The following PCDHA10 variants were observed in gnomAD, a reference collection of about 807,000 sequenced individuals.
PCDHA10 encodes protocadherin alpha 10, also known as protocadherin alpha-10.
In PCDHA10, 45 loss-of-function variants were observed where a neutral mutation model predicts 61.2. That is an observed-to-expected ratio of 0.74 (90% CI 0.58 to 0.94). The LOEUF (loss-of-function observed/expected upper bound fraction) is 0.94. PCDHA10 is among the 40% of genes least tolerant of loss of function. The pLI is 0.00. For missense variants in PCDHA10, 1,278 were observed against 1,236.2 expected, an observed-to-expected ratio of 1.03 and a Z score of -0.51; for synonymous variants, 602 against 548.8, an observed-to-expected ratio of 1.10 and a Z score of -1.35.
chr5:140,885,213 AT>A (rs1364699535), intron 1 of PCDHA10, among the ~76,000 whole-genome samples: 44 of 152,178 alleles, frequency 2.9e-4, no homozygotes, highest in African/African-American at 1.0e-3. Context: ...CCCATGAAAA[AT>A]ATCTTGTGAT....
intron 1 of PCDHA10, among the ~76,000 whole-genome samples, chr5:140,944,016 A>G (rs2093596830): frequency 6.6e-6 from 1 of 152,182 alleles, no homozygotes; most frequent in Non-Finnish European, 1.5e-5. Flanking sequence ...CCCAAAAGCA[A>G]TTATCTTCAA....
chr5:140,929,381 G>GT (rs1554207059), intron 1 of PCDHA10: 2 of 1,510,858 alleles, frequency 1.3e-6, no homozygotes, highest in African/African-American at 1.4e-5. Flanking sequence ...TGCTAGCTGT[G>GT]TTTTGAAATA....
chr5:140,936,831 A>T lies in PCDHA10; in HGVS notation c.2389-42118A>T, dbSNP rs142448727. 3.1e-3 allele frequency among the ~76,000 whole-genome samples: 478 copies of T among 152,252 alleles called. 2 individuals are homozygous for T. Among genetic ancestry groups the T allele is most frequent in the African/African-American group, 0.011 (455 of 41,554 alleles). Reference sequence around the variant, plus strand: ...GCTATTTTTGGCCCTTTGCATTTCTATATAAATTGTAGATTCAGCTTCTCA... The same window carrying T: ...GCTATTTTTGGCCCTTTGCATTTCTTTATAAATTGTAGATTCAGCTTCTCA... On this transcript the variant is annotated intron_variant, in intron 1 of 3. Transcript: ENST00000307360.
chr5:140,970,776 A>G lies in PCDHA10; in HGVS notation c.2389-8173A>G, dbSNP rs1338334067. Among the ~76,000 whole-genome samples the G allele has an allele frequency of 1.3e-5, 2 of 152,212 alleles. 1 individual carries two copies. The highest frequency in any genetic ancestry group is 4.8e-5 in the African/African-American group (2 of 41,458). On this transcript the variant is annotated intron_variant, in intron 1 of 3. Coordinates refer to ENST00000307360, the MANE Select transcript of PCDHA10 (RefSeq NM_018901.4). Reference sequence around the variant, plus strand: ...TTCATTGACATATTGCTGTACATACATATTGTATGTAATATCCATATTGTT... The same window carrying G: ...TTCATTGACATATTGCTGTACATACGTATTGTATGTAATATCCATATTGTT...
At chr5:140,999,182 G>T (rs1285087964) in intron 3 of PCDHA10, among the ~76,000 whole-genome samples, 4 of 152,204 alleles carry the variant, frequency 2.6e-5, no homozygotes, top group Non-Finnish European at 5.9e-5. Context: ...CTGATGGGGA[G>T]AGGGTCCTTG....
chr5:140,874,685 T>C (rs1212570606), intron 1 of PCDHA10, among the ~76,000 whole-genome samples: 1 of 152,234 alleles, frequency 6.6e-6, no homozygotes, highest in Non-Finnish European at 1.5e-5. Flanking sequence ...AGATTTGTTT[T>C]AACATGTTAT....
intron 1 of PCDHA10, chr5:140,876,689 C>T: frequency 1.2e-6 from 2 of 1,614,228 alleles, no homozygotes; most frequent in Middle Eastern, 1.6e-4. Context: ...AATTACTACT[C>T]GTTGGTGCTG....
At chr5:140,941,221 T>TTCTTTCTTTCTTTCTTTCTTTCTC (rs2092905955) in intron 1 of PCDHA10, among the ~76,000 whole-genome samples, 1 of 131,536 alleles carries the variant, frequency 7.6e-6, no homozygotes, top group Admixed American at 7.9e-5. Context: ...CTTCCTTTCT[T>TTCTTTCTTTCTTTCTTTCTTTCTC]TCTTTCTTTC....
chr5:140,863,494 C>T (rs1203332871), intron 1 of PCDHA10: 2 of 442,624 alleles, frequency 4.5e-6, no homozygotes, highest in East Asian at 6.0e-5. Context: ...GTCAACATTA[C>T]GGCTTTTAGT....
chr5:140,901,829 T>C (rs1449316816), intron 1 of PCDHA10, among the ~76,000 whole-genome samples: 1 of 152,230 alleles, frequency 6.6e-6, no homozygotes, highest in African/African-American at 2.4e-5. Flanking sequence ...TTCCAGTCCA[T>C]AAACATGCAA....
At chr5:140,993,468 A>G (rs1327306188) in intron 3 of PCDHA10, among the ~76,000 whole-genome samples, 1 of 69,412 alleles carries the variant, frequency 1.4e-5, no homozygotes, top group African/African-American at 5.6e-5. Context: ...TTTCTCACAC[A>G]CACACACACA....
intron 1 of PCDHA10, among the ~76,000 whole-genome samples, chr5:140,975,197 C>T (rs1176492853): frequency 6.6e-6 from 1 of 152,230 alleles, no homozygotes; most frequent in Non-Finnish European, 1.5e-5. Flanking sequence ...TCTGCTCCAT[C>T]TTCATGGCTG....
At chr5:140,883,280 G>T (rs2059527753) in intron 1 of PCDHA10, 1 of 1,613,990 alleles carries the variant, frequency 6.2e-7, no homozygotes, top group Non-Finnish European at 8.5e-7. Flanking sequence ...TACCCTTTTG[G>T]TGGAAGTACT....
rs200161334 is a variant in PCDHA10, at chr5:140,967,904, C to T, written c.2389-11045C>T. ...TAGCCCAGTGCCTGAGAATGCTACACCCAACACCATTGTGGCCGTTCTCAG... is the reference window on the plus strand; with the variant it reads ...TAGCCCAGTGCCTGAGAATGCTACATCCAACACCATTGTGGCCGTTCTCAG... On this transcript the variant is annotated intron_variant, in intron 1 of 3. Coordinates refer to ENST00000307360, the MANE Select transcript of PCDHA10 (RefSeq NM_018901.4). The T allele has an allele frequency of 3.3e-5, 53 of 1,614,164 alleles. No individual in the cohort carries two copies. In the East Asian group the frequency reaches 9.1e-4, roughly 28 times the overall value.
intron 1 of PCDHA10, among the ~76,000 whole-genome samples, chr5:140,959,036 GTATGT>G (rs2095460948): frequency 6.6e-6 from 1 of 152,032 alleles, no homozygotes; most frequent in African/African-American, 2.4e-5. Flanking sequence ...TCATGGGTAT[GTATGT>G]ATAGGAAAAA....
chr5:140,968,209 C>G (rs781795931), intron 1 of PCDHA10: 5 of 1,614,002 alleles, frequency 3.1e-6, no homozygotes, highest in Non-Finnish European at 4.2e-6. Context: ...TACAGGAGAA[C>G]AATTTGCCAG....
chr5:140,934,000 A>G (rs2089557025), intron 1 of PCDHA10, among the ~76,000 whole-genome samples: 1 of 151,350 alleles, frequency 6.6e-6, no homozygotes, highest in Non-Finnish European at 1.5e-5. Context: ...GTCACCTCTC[A>G]TTTTTCTTGA....
At chr5:140,941,317 CTCT>C (rs2093029316) in intron 1 of PCDHA10, among the ~76,000 whole-genome samples, 2 of 99,150 alleles carry the variant, frequency 2.0e-5, no homozygotes, top group Non-Finnish European at 4.2e-5. Flanking sequence ...TTTCTTCTTT[CTCT>C]TTTTTTTTTT....
intron 1 of PCDHA10, chr5:140,969,130 C>A (rs1353677478): frequency 2.5e-6 from 4 of 1,614,132 alleles, no homozygotes; most frequent in Non-Finnish European, 1.7e-6. Context: ...GCTCCCTCAC[C>A]AAGACCTACT....
Sources: gnomAD v4.1 joint callset for allele counts (sites outside exome capture counted in the v4.1 genomes callset) on GRCh38, gnomAD v4.1.1 for gene constraint, MANE v1.5 for transcripts, NCBI Gene and HGNC (gene_info 2026-07-23, HGNC 2026-07-21) for gene names.